SCN4B: variants seen among roughly 807,000 people sequenced by gnomAD.
SCN4B encodes the protein sodium voltage-gated channel beta subunit 4.
Under a neutral mutation model 19.6 loss-of-function variants are expected in SCN4B, and 20 were observed. That is an observed-to-expected ratio of 1.02 (90% CI 0.72 to 1.48). SCN4B has a LOEUF of 1.48. Among genes scored for constraint, SCN4B ranks in the 40% most tolerant of loss-of-function variants. SCN4B has a pLI of 0.00. For missense variants in SCN4B, 271 were observed against 287.5 expected, an observed-to-expected ratio of 0.94 and a Z score of 0.42; for synonymous variants, 127 against 122.8, an observed-to-expected ratio of 1.03 and a Z score of -0.22.
At chr11:118,141,037 G>A (rs187804648) in intron 4 of SCN4B, among the ~76,000 whole-genome samples, 170 bp downstream of exon 4, 2 of 151,932 alleles carry the variant, frequency 1.3e-5, no homozygotes, top group South Asian at 2.1e-4. Context: ...GAGGGAAAGC[G>A]ATGAGGAAGG....
At chr11:118,147,538 C>T (rs985583716) in intron 1 of SCN4B, among the ~76,000 whole-genome samples, 12 of 152,176 alleles carry the variant, frequency 7.9e-5, no homozygotes, top group Admixed American at 6.5e-4. Context: ...CAGGGCTTAG[C>T]ACTCCATAGA....
intron 4 of SCN4B, among the ~76,000 whole-genome samples, chr11:118,139,901 C>CTTTTT (rs778719637): frequency 9.6e-6 from 1 of 104,588 alleles, no homozygotes; most frequent in South Asian, 2.7e-4. Flanking sequence ...TTTTTTTTTT[C>CTTTTT]TTTTTTCTTT....
At chr11:118,141,093 T>A in intron 4 of SCN4B, 114 bp downstream of exon 4, 1 of 1,177,436 alleles carries the variant, frequency 8.5e-7, no homozygotes, top group Non-Finnish European at 1.2e-6. Flanking sequence ...CAGAGAGCGG[T>A]AGGAATGGGA....
At chr11:118,140,723 C>G (rs1948084935) in intron 4 of SCN4B, among the ~76,000 whole-genome samples, 1 of 152,206 alleles carries the variant, frequency 6.6e-6, no homozygotes, top group Non-Finnish European at 1.5e-5. Context: ...CCATATCTGC[C>G]TTTTCAAACT....
chr11:118,134,836 C>G lies in SCN4B; in HGVS notation c.*2191G>C, dbSNP rs1221141523. On this transcript the variant is annotated 3_prime_UTR_variant, in exon 5 of 5. Coordinates refer to ENST00000324727, the MANE Select transcript of SCN4B (RefSeq NM_174934.4). ...AAAGATGTTTTTAGACAAAACTTGC[C>G]AAGCCTCACAACAGTCCTGTGAGGT... 1 of 453,892 alleles carries G rather than the reference C, an allele frequency of 2.2e-6. No individual in the cohort carries two copies. Among genetic ancestry groups the G allele is most frequent in the African/African-American group, 2.0e-5 (1 of 49,970 alleles). The allele number at this position is 453,892 out of a possible 1,614,324, so 28.1% of individuals were successfully genotyped here.
Position 118,136,908 on chromosome 11 carries a change from A to C in SCN4B, c.*119T>G. On this transcript the variant is annotated 3_prime_UTR_variant, in exon 5 of 5. Coordinates refer to ENST00000324727, the MANE Select transcript of SCN4B (RefSeq NM_174934.4). ...ACTCTGGTTTCTTGTGCCCGGAAAG[A>C]CTACAGTTTGAGCCAAGCAGCAGAT... 1 of 748,280 alleles carries C rather than the reference A, an allele frequency of 1.3e-6. No homozygotes were observed. Among genetic ancestry groups the C allele is most frequent in the Non-Finnish European group, 2.4e-6 (1 of 418,496 alleles). The allele number at this position is 748,280 out of a possible 1,614,324, so 46.4% of individuals were successfully genotyped here.
intron 1 of SCN4B, among the ~76,000 whole-genome samples, chr11:118,151,677 TA>T (rs1407536094): frequency 4.6e-5 from 7 of 152,210 alleles, no homozygotes; most frequent in African/African-American, 1.7e-4. Flanking sequence ...CCGTGTGTCT[TA>T]CCCAATGCAG....
intron 2 of SCN4B, 132 bp downstream of exon 2, chr11:118,144,924 TG>T: frequency 1.2e-6 from 1 of 867,262 alleles, no homozygotes; most frequent in Non-Finnish European, 2.0e-6. Flanking sequence ...AAAAGAATAC[TG>T]GGAGAAAGGG....
chr11:118,144,037 C>A lies in SCN4B; in HGVS notation c.259G>T (p.Glu87Ter), dbSNP rs762777113. The A allele has an allele frequency of 6.2e-7, 1 of 1,613,680 alleles. No homozygotes were observed. The highest frequency in any genetic ancestry group is 2.2e-5 in the East Asian group (1 of 44,884). ...AACGTCACCTTGGGGTCAGACTTCT[C>A]ATTCTTCACAGTCCCCTCTATGAGC... Reference protein sequence around the residue: ...KILIEGTVKNEKSDPKVTLKD... With the variant: ...KILIEGTVKN Residue 87 changes from glutamate (E) to a stop codon, truncating the protein, a stop_gained, in exon 3 of 5, where the codon GAG becomes TAG. Coordinates refer to ENST00000324727, the MANE Select transcript of SCN4B (RefSeq NM_174934.4). LOFTEE classifies it high-confidence loss of function.
Position 118,135,870 on chromosome 11 carries a change from C to G in SCN4B, c.*1157G>C. On this transcript the variant is annotated 3_prime_UTR_variant, in exon 5 of 5. Coordinates refer to ENST00000324727, the MANE Select transcript of SCN4B (RefSeq NM_174934.4). ...AACTGTGGGCACCCACTCCCTGCTC[C>G]TCCCCAACCCCAGGGTGGGAGGGGG... 2.2e-6 allele frequency: 1 copy of G among 454,414 alleles called. No individual in the cohort carries two copies. The allele number at this position is 454,414 out of a possible 1,614,324, so 28.1% of individuals were successfully genotyped here. A position where few individuals can be genotyped will look rare whatever the true frequency, so the allele number is the denominator to read the frequency against.
chr11:118,139,016 C>T (rs1459549610), intron 4 of SCN4B, among the ~76,000 whole-genome samples: 1 of 152,128 alleles, frequency 6.6e-6, no homozygotes, highest in Admixed American at 6.5e-5. Context: ...CCCAATCCCT[C>T]CGCCCACCAT....
chr11:118,151,892 C>T (rs772242077), intron 1 of SCN4B, among the ~76,000 whole-genome samples: 7 of 152,242 alleles, frequency 4.6e-5, no homozygotes, highest in Non-Finnish European at 1.0e-4. Flanking sequence ...CTTCTTCCTC[C>T]GTGTCCTCTG....
rs1591436678 is a variant in SCN4B, at chr11:118,145,069, G to A, written c.222C>T (p.Asp74=). ...TCCAAATACTTACAATCTTGAATGC[G>A]TCACTGCTGTTGTAGGTCCACCGGA... is the stretch of plus-strand genomic sequence containing the variant. ...LHFRWTYNSS[D]AFKILIEGTV... is the part of the protein sequence containing the mutation. Residue 74 remains aspartate, a synonymous_variant, in exon 2 of 5, where the codon GAC becomes GAT. Transcript: ENST00000324727. 1 of 1,614,046 alleles carries A rather than the reference G, an allele frequency of 6.2e-7. No individual in the cohort carries two copies. The highest frequency in any genetic ancestry group is 8.5e-7 in the Non-Finnish European group (1 of 1,179,974).
Position 118,143,909 on chromosome 11 carries a change from G to A in SCN4B, c.387C>T (p.Tyr129=). The A allele has an allele frequency of 1.2e-6, 2 of 1,613,978 alleles. No homozygotes were observed. Among genetic ancestry groups the A allele is most frequent in the South Asian group, 1.1e-5 (1 of 91,064 alleles). The change falls in exon 3 of 5, where the codon TAC becomes TAT. Residue 129 remains tyrosine, a synonymous_variant. Transcript: ENST00000324727. The part of the protein sequence containing the change: ...RDLEFSDTGK[Y]TCHVKNPKEN... ...CCTTGGGGTTCTTCACATGGCAGGT[G>A]TATTTGCCCGTGTCGCTGAACTCCA...
intron 1 of SCN4B, among the ~76,000 whole-genome samples, chr11:118,146,788 T>C (rs1284618528): frequency 6.6e-6 from 1 of 152,246 alleles, no homozygotes; most frequent in Non-Finnish European, 1.5e-5. Flanking sequence ...CCTCACGGCC[T>C]GTCCTATGAG....
At position 118,134,329 on chromosome 11, in the gene SCN4B, T is replaced by A. The variant is rs1175677484; in HGVS notation, c.*2698A>T. 1 of 454,150 alleles carries A rather than the reference T, an allele frequency of 2.2e-6. No homozygotes were observed. The highest frequency in any genetic ancestry group is 4.4e-6 in the Non-Finnish European group (1 of 226,800). The allele number at this position is 454,150 out of a possible 1,614,324, so 28.1% of individuals were successfully genotyped here. A position where few individuals can be genotyped will look rare whatever the true frequency, so the allele number is the denominator to read the frequency against. Reference sequence around the variant, plus strand: ...GGTCTCTCAAGATCGACTTTGTAAGTGGCTCTCTCTAGCCCACAAGCCCTG... The same window carrying A: ...GGTCTCTCAAGATCGACTTTGTAAGAGGCTCTCTCTAGCCCACAAGCCCTG... On this transcript the variant is annotated 3_prime_UTR_variant, in exon 5 of 5. Coordinates refer to ENST00000324727, the MANE Select transcript of SCN4B (RefSeq NM_174934.4).
At position 118,136,426 on chromosome 11, in the gene SCN4B, G is replaced by A. The variant is rs1217911139; in HGVS notation, c.*601C>T. 3 of 453,566 alleles carry A rather than the reference G, an allele frequency of 6.6e-6. No homozygotes were observed. Among genetic ancestry groups the A allele is most frequent in the Non-Finnish European group, 1.3e-5 (3 of 226,678 alleles). 28.1% of individuals were successfully genotyped at this position (453,566 alleles called of 1,614,324 possible). Reference sequence around the variant, plus strand: ...CTTAAAAACTCTGAGCAGGGGAGGGGATAGGCAGATAGGGTCCCGGGGCAG... The same window carrying A: ...CTTAAAAACTCTGAGCAGGGGAGGGAATAGGCAGATAGGGTCCCGGGGCAG... On this transcript the variant is annotated 3_prime_UTR_variant, in exon 5 of 5. Coordinates refer to ENST00000324727, the MANE Select transcript of SCN4B (RefSeq NM_174934.4).
rs1385418348 is a variant in SCN4B at position 118,133,438 on chromosome 11, C to T, written c.*3589G>A. 2 of 437,400 alleles carry T rather than the reference C, an allele frequency of 4.6e-6. No homozygotes were observed. Among genetic ancestry groups the T allele is most frequent in the African/African-American group, 2.0e-5 (1 of 49,452 alleles). The allele number at this position is 437,400 out of a possible 1,614,324, so 27.1% of individuals were successfully genotyped here. A position where few individuals can be genotyped will look rare whatever the true frequency, so the allele number is the denominator to read the frequency against. ...CTAAATACAATTCTACAATGCAAAA[C>T]TTGTTGTAGAGGCCAGACTGATTAT... On this transcript the variant is annotated 3_prime_UTR_variant, in exon 5 of 5. Transcript: ENST00000324727.
chr11:118,138,924 C>T (rs1948060033), intron 4 of SCN4B, among the ~76,000 whole-genome samples: 1 of 152,104 alleles, frequency 6.6e-6, no homozygotes, highest in African/African-American at 2.4e-5. Context: ...ACTGTCTCTG[C>T]TGTAATGCAG....
Sources: allele counts gnomAD v4.1 joint callset (sites outside exome capture counted in the v4.1 genomes callset), GRCh38; gene constraint gnomAD v4.1.1; transcripts MANE v1.5; gene names NCBI Gene and HGNC (gene_info 2026-07-23, HGNC 2026-07-21).